The following RMDN2 variants were observed in gnomAD, a reference collection of about 807,000 sequenced individuals.
The protein encoded by RMDN2 is regulator of microtubule dynamics 2.
RMDN2 carries 61 observed loss-of-function variants against 52.8 expected under a neutral mutation model. The observed-to-expected ratio is 1.16, with a 90% CI of 0.94 to 1.43. The LOEUF (loss-of-function observed/expected upper bound fraction) is 1.43, where lower values mean the gene tolerates loss of function less well. RMDN2 is among the 40% of genes most tolerant of loss of function. The probability of loss-of-function intolerance (pLI) is 0.00; values close to 1 mark genes in which losing one functional copy is unlikely to be tolerated. For synonymous variants in RMDN2, 180 were observed against 153.1 expected, an observed-to-expected ratio of 1.18 and a Z score of -1.30; for missense variants, 592 against 475.3, an observed-to-expected ratio of 1.25 and a Z score of -2.28.
chr2:37,978,105 G>A (rs977331995), intron 4 of RMDN2, among the ~76,000 whole-genome samples: 5 of 152,216 alleles, frequency 3.3e-5, no homozygotes, highest in African/African-American at 1.2e-4. Flanking sequence ...GATCACTCGC[G>A]ATCAGGAGCT....
chr2:37,994,744 T>A (rs1272710114), intron 7 of RMDN2, among the ~76,000 whole-genome samples: 1 of 152,248 alleles, frequency 6.6e-6, no homozygotes, highest in South Asian at 2.1e-4. Context: ...TATGTTTCAA[T>A]GGGAATATGT....
intron 10 of RMDN2, among the ~76,000 whole-genome samples, chr2:38,039,762 A>G (rs904642402): frequency 3.3e-5 from 5 of 152,210 alleles, no homozygotes; most frequent in African/African-American, 9.6e-5. Context: ...CTGCCCTCCC[A>G]TGAACCTAAC....
At chr2:38,039,695 T>C (rs1310365937) in intron 10 of RMDN2, among the ~76,000 whole-genome samples, 1 of 152,180 alleles carries the variant, frequency 6.6e-6, no homozygotes, top group Non-Finnish European at 1.5e-5. Flanking sequence ...CAGAATGGGT[T>C]CCCTGAAGGT....
At chr2:38,034,017 A>T (rs1680405324) in intron 10 of RMDN2, among the ~76,000 whole-genome samples, 1 of 152,248 alleles carries the variant, frequency 6.6e-6, no homozygotes, top group Admixed American at 6.5e-5. Flanking sequence ...CCCCCCAGCT[A>T]GCTTTTCCTA....
At chr2:37,951,859 T>C (rs1668853326) in intron 2 of RMDN2, 1 of 1,613,598 alleles carries the variant, frequency 6.2e-7, no homozygotes, top group Non-Finnish European at 8.5e-7. Flanking sequence ...ACATCATCCT[T>C]CTTTTCTCTT....
At chr2:37,989,733 T>C (rs1248618781) in intron 6 of RMDN2, 117 bp downstream of exon 6, 6 of 613,334 alleles carry the variant, frequency 9.8e-6, no homozygotes, top group African/African-American at 1.9e-5. Flanking sequence ...ATAAACCAGA[T>C]TATTCAACAG....
chr2:38,028,716 C>G (rs1194012454), intron 10 of RMDN2, among the ~76,000 whole-genome samples: 1 of 152,182 alleles, frequency 6.6e-6, no homozygotes, highest in Non-Finnish European at 1.5e-5. Context: ...ACCTCCCATT[C>G]CTACCCCCAT....
intron 10 of RMDN2, among the ~76,000 whole-genome samples, chr2:38,007,164 C>A (rs562354397): frequency 6.6e-6 from 1 of 152,256 alleles, no homozygotes; most frequent in East Asian, 1.9e-4. Flanking sequence ...GTCTAAAATT[C>A]TCTTTTTTTG....
intron 2 of RMDN2, among the ~76,000 whole-genome samples, chr2:37,956,500 T>C (rs1310572056): frequency 2.6e-5 from 4 of 152,106 alleles, no homozygotes; most frequent in Non-Finnish European, 5.9e-5. Context: ...GTTTCATTGA[T>C]TTCCTCTATT....
At chr2:37,978,498 A>T (rs1439669817) in intron 4 of RMDN2, among the ~76,000 whole-genome samples, 1 of 152,164 alleles carries the variant, frequency 6.6e-6, no homozygotes, top group Non-Finnish European at 1.5e-5. Flanking sequence ...AATCATACAT[A>T]TACAAAAACG....
At chr2:37,927,775 A>G (rs190725524) in intron 1 of RMDN2, among the ~76,000 whole-genome samples, 6 of 152,322 alleles carry the variant, frequency 3.9e-5, no homozygotes, top group East Asian at 3.9e-4. Context: ...TTTTTTTGCA[A>G]TAAGCTTTCA....
In RMDN2 at chr2:38,017,292, G is replaced by A. The variant is rs1678938577; in HGVS notation, c.*53G>A. ...AGATGTGGTCTACCAAAATTTAAAT[G>A]AATCAAAGTTGTGCTTTTATTATCC... On this transcript the variant is annotated 3_prime_UTR_variant, in exon 11 of 11. Transcript: ENST00000354545. 1.4e-6 allele frequency: 2 copies of A among 1,472,248 alleles called. No homozygotes were observed. The highest frequency in any genetic ancestry group is 1.8e-6 in the Non-Finnish European group (2 of 1,107,830). The allele number at this position is 1,472,248 out of a possible 1,614,324, so 91.2% of individuals were successfully genotyped here.
chr2:37,970,710 T>C (rs1347732661), intron 2 of RMDN2, among the ~76,000 whole-genome samples: 1 of 152,182 alleles, frequency 6.6e-6, no homozygotes, highest in Non-Finnish European at 1.5e-5. Context: ...AGTAGATACA[T>C]AATTCTGATG....
intron 2 of RMDN2, among the ~76,000 whole-genome samples, chr2:37,961,223 G>C (rs1375827046): frequency 6.6e-6 from 1 of 152,058 alleles, no homozygotes; most frequent in African/African-American, 2.4e-5. Flanking sequence ...TTCCGAATTT[G>C]AGTGTTGGCC....
intron 10 of RMDN2, among the ~76,000 whole-genome samples, chr2:38,059,248 T>C (rs1036887005): frequency 2.5e-4 from 38 of 152,350 alleles, no homozygotes; most frequent in African/African-American, 8.9e-4. Context: ...AATAGCCACA[T>C]GTGACTAGTG....
intron 2 of RMDN2, among the ~76,000 whole-genome samples, chr2:37,955,540 C>G (rs1669337083): frequency 6.6e-6 from 1 of 152,000 alleles, no homozygotes; most frequent in Non-Finnish European, 1.5e-5. Context: ...TTGTATCTCC[C>G]AGAATTCCCA....
In RMDN2 at chr2:37,925,401, T is replaced by A. The variant is rs374010687; in HGVS notation, c.-41T>A. On this transcript the variant is annotated 5_prime_UTR_variant, in exon 1 of 11. Coordinates refer to ENST00000354545, the MANE Select transcript of RMDN2 (RefSeq NM_001170791.3). ...GTCCTGGTCTCCGCTCTCCAACAGC[T>A]GAAAGGCCGGCGCAGTGAACACAGG... 6.6e-6 allele frequency: 1 copy of A among 152,310 alleles called. No individual in the cohort carries two copies. Among genetic ancestry groups the A allele is most frequent in the Admixed American group, 6.5e-5 (1 of 15,302 alleles). The allele number at this position is 152,310 out of a possible 1,614,324, so 9.4% of individuals were successfully genotyped here.
chr2:37,981,205 G>C (rs1572922939), intron 4 of RMDN2, 78 bp from the exon 5 acceptor site: 1 of 903,944 alleles, frequency 1.1e-6, no homozygotes. Flanking sequence ...CATACTTTGT[G>C]AACCATGAGT....
At position 38,017,409 on chromosome 2, in the gene RMDN2, TTA is replaced by T; in HGVS notation, c.*172_*173del. ...TCCACTAGTAGCACTACAAAATTAATTATGTTATTTGGAGAATCTATATACTA... is the reference window on the plus strand; with the variant it reads ...TCCACTAGTAGCACTACAAAATTAATTGTTATTTGGAGAATCTATATACTA... On this transcript the variant is annotated 3_prime_UTR_variant, in exon 11 of 11. Transcript: ENST00000354545. 2 of 1,330,340 alleles carry T rather than the reference TTA, an allele frequency of 1.5e-6. No homozygotes were observed. Among genetic ancestry groups the T allele is most frequent in the Non-Finnish European group, 9.8e-7 (1 of 1,020,528 alleles). The allele number at this position is 1,330,340 out of a possible 1,614,324, so 82.4% of individuals were successfully genotyped here. A position where few individuals can be genotyped will look rare whatever the true frequency, so the allele number is the denominator to read the frequency against.
Sources: allele counts gnomAD v4.1 joint callset (sites outside exome capture counted in the v4.1 genomes callset), GRCh38; gene constraint gnomAD v4.1.1; transcripts MANE v1.5; gene names NCBI Gene and HGNC (gene_info 2026-07-23, HGNC 2026-07-21).